CLPB: variants seen among roughly 807,000 people sequenced by gnomAD.
CLPB encodes the protein mitochondrial disaggregase.
In CLPB, 40 loss-of-function variants were observed where a neutral mutation model predicts 78.4. That is an observed-to-expected ratio of 0.51 (90% confidence interval 0.40 to 0.66). CLPB has a LOEUF of 0.66. CLPB is among the 30% of genes least tolerant of loss of function. The probability of loss-of-function intolerance (pLI) is 0.00; values close to 1 mark genes in which losing one functional copy is unlikely to be tolerated. For missense variants in CLPB, 780 were observed against 886.9 expected (o/e 0.88, Z 1.53); for synonymous variants, 333 against 348.0 (o/e 0.96, Z 0.48).
At chr11:72,406,575 C>T (rs1309635178) in intron 2 of CLPB, among the ~76,000 whole-genome samples, 2 of 152,206 alleles carry the variant, frequency 1.3e-5, no homozygotes, top group Non-Finnish European at 2.9e-5. Flanking sequence ...ACAGACCCTA[C>T]TATCCTATCT....
At chr11:72,296,365 G>GA (rs1949551540) in intron 11 of CLPB, among the ~76,000 whole-genome samples, 1 of 152,204 alleles carries the variant, frequency 6.6e-6, no homozygotes, top group Non-Finnish European at 1.5e-5. Flanking sequence ...AGTTTCCTTG[G>GA]AATCTTCAGC....
At chr11:72,295,991 C>T (rs78379166) in intron 11 of CLPB, among the ~76,000 whole-genome samples, 144 of 152,278 alleles carry the variant, frequency 9.5e-4, no homozygotes, top group Non-Finnish European at 1.6e-3. Context: ...TTTGGAGGCC[C>T]GCTGTGGGCC....
Position 72,317,173 on chromosome 11 carries a change from G to C in CLPB, c.921C>G (p.Phe307Leu). The C allele has an allele frequency of 6.2e-7, 1 of 1,612,290 alleles. No homozygotes were observed. The highest frequency in any genetic ancestry group is 8.5e-7 in the Non-Finnish European group (1 of 1,179,560). ...GCTCCTTTAGTCGCTGCTCCAGGGGGAAGCGGCGCCGCTCCTCAGCCTCAC... is the reference window on the plus strand; with the variant it reads ...GCTCCTTTAGTCGCTGCTCCAGGGGCAAGCGGCGCCGCTCCTCAGCCTCAC... ...RKREAEERRR[F>L]PLEQRLKEHI... Residue 307 changes from phenylalanine (F) to leucine (L), a missense_variant, in exon 7 of 16, where the codon TTC becomes TTG. Physicochemically the swap from Phe to Leu is conservative, Grantham distance 22. Coordinates refer to ENST00000538039, the MANE Select transcript of CLPB (RefSeq NM_001258392.3).
At chr11:72,426,685 CA>C (rs1856386865) in intron 2 of CLPB, among the ~76,000 whole-genome samples, 1 of 152,252 alleles carries the variant, frequency 6.6e-6, no homozygotes, top group East Asian at 1.9e-4. Context: ...GAAAGAGTCA[CA>C]AAAAACAAGT....
At chr11:72,298,248 GAGA>G (rs1949592343) in intron 11 of CLPB, among the ~76,000 whole-genome samples, 4 of 152,100 alleles carry the variant, frequency 2.6e-5, no homozygotes, top group Non-Finnish European at 1.5e-5. Flanking sequence ...CCAGGCTTGG[GAGA>G]ACTAGACTGG....
chr11:72,297,900 G>A (rs1447494892), intron 11 of CLPB, among the ~76,000 whole-genome samples: 1 of 152,126 alleles, frequency 6.6e-6, no homozygotes, highest in Non-Finnish European at 1.5e-5. Context: ...AGCAGGTGCA[G>A]TGCATGACTG....
intron 4 of CLPB, among the ~76,000 whole-genome samples, chr11:72,371,685 G>A (rs1019480276): frequency 2.6e-5 from 4 of 152,136 alleles, no homozygotes; most frequent in Non-Finnish European, 5.9e-5. Flanking sequence ...CCAAAGTCTT[G>A]CGATTATAGG....
chr11:72,341,375 A>G (rs1950417883), intron 5 of CLPB, among the ~76,000 whole-genome samples: 1 of 152,176 alleles, frequency 6.6e-6, no homozygotes, highest in Non-Finnish European at 1.5e-5. Context: ...GTGTGTAAGG[A>G]GGAGATTCAT....
At chr11:72,338,823 C>G (rs888133938) in intron 5 of CLPB, among the ~76,000 whole-genome samples, 2 of 152,232 alleles carry the variant, frequency 1.3e-5, no homozygotes, top group African/African-American at 4.8e-5. Flanking sequence ...TCATGCCAGA[C>G]TAACCTCTCC....
intron 5 of CLPB, among the ~76,000 whole-genome samples, chr11:72,347,448 C>T (rs1457309701): frequency 6.6e-6 from 1 of 152,146 alleles, no homozygotes; most frequent in Non-Finnish European, 1.5e-5. Flanking sequence ...TAGAACAAGA[C>T]TCTATCTCAA....
intron 3 of CLPB, among the ~76,000 whole-genome samples, chr11:72,400,339 T>A (rs552176302): frequency 8.5e-5 from 13 of 152,238 alleles, no homozygotes; most frequent in Admixed American, 8.5e-4. Context: ...GGATAATTAG[T>A]CCTAGGAACC....
At chr11:72,351,773 T>C (rs1481882214) in intron 5 of CLPB, among the ~76,000 whole-genome samples, 1 of 152,142 alleles carries the variant, frequency 6.6e-6, no homozygotes, top group Non-Finnish European at 1.5e-5. Context: ...GGTTTCACCA[T>C]GTTGGCCAGG....
intron 1 of CLPB, among the ~76,000 whole-genome samples, chr11:72,433,576 T>C (rs1022283131): frequency 3.4e-4 from 49 of 143,248 alleles, no homozygotes; most frequent in African/African-American, 1.4e-3. Flanking sequence ...AATAAATAAA[T>C]AAATAAATAA....
At chr11:72,303,120 A>G (rs1296644333) in intron 9 of CLPB, among the ~76,000 whole-genome samples, 1 of 152,148 alleles carries the variant, frequency 6.6e-6, no homozygotes, top group Non-Finnish European at 1.5e-5. Context: ...ACTGGTTTTC[A>G]AGAAGCATTA....
chr11:72,365,833 G>A (rs1483639423), intron 4 of CLPB, among the ~76,000 whole-genome samples: 1 of 152,142 alleles, frequency 6.6e-6, no homozygotes, highest in Non-Finnish European at 1.5e-5. Flanking sequence ...AATAAATGGT[G>A]CTGGGATAAC....
rs1234642668 is a variant in CLPB at position 72,294,682 on chromosome 11, T to A, written c.1498A>T (p.Ile500Leu). 1 of 1,613,894 alleles carries A rather than the reference T, an allele frequency of 6.2e-7. No individual in the cohort carries two copies. The highest frequency in any genetic ancestry group is 8.5e-7 in the Non-Finnish European group (1 of 1,179,722). ...TTTGAGATGGTGATCTTGTCACTTA[T>A]CTGGACATCCCCTGTGGAGAAGAAT... ...RIAENLGDVQ[I>L]SDKITISKNF... is the part of the protein sequence containing the mutation. Residue 500 changes from isoleucine (I) to leucine (L), a missense_variant, in exon 13 of 16, where the codon ATA (isoleucine) becomes TTA (leucine). Transcript: ENST00000538039.
intron 5 of CLPB, among the ~76,000 whole-genome samples, chr11:72,334,823 C>T (rs1950291021): frequency 6.6e-6 from 1 of 152,226 alleles, no homozygotes; most frequent in South Asian, 2.1e-4. Context: ...CTGGAGCACC[C>T]CAGGCAGTGT....
intron 1 of CLPB, among the ~76,000 whole-genome samples, chr11:72,433,591 A>ATAAT (rs1856612293): frequency 6.7e-6 from 1 of 149,770 alleles, no homozygotes; most frequent in Non-Finnish European, 1.5e-5. Flanking sequence ...AAATAAATAA[A>ATAAT]TTGAGGTCAA....
intron 3 of CLPB, among the ~76,000 whole-genome samples, chr11:72,393,297 A>G (rs1855308442): frequency 6.6e-6 from 1 of 152,210 alleles, no homozygotes; most frequent in South Asian, 2.1e-4. Flanking sequence ...GGCTCTCTCT[A>G]GGCAAATGAT....
Sources: gnomAD v4.1 joint callset for allele counts (sites outside exome capture counted in the v4.1 genomes callset) on GRCh38, gnomAD v4.1.1 for gene constraint, MANE v1.5 for transcripts, NCBI Gene and HGNC (gene_info 2026-07-23, HGNC 2026-07-21) for gene names.